Variants in CBLL2 observed in about 807,000 individuals in gnomAD.
CBLL2 encodes the protein E3 ubiquitin-protein ligase CBLL2.
For synonymous variants in CBLL2, 123 were observed against 124.9 expected (o/e 0.98, Z 0.10); for missense variants, 347 against 343.2 (o/e 1.01, Z -0.09).
rs371087148 is a variant in CBLL2, at chrX:22,273,839, C to T, written c.848C>T (p.Ala283Val). 233 of 1,208,770 alleles carry T rather than the reference C, an allele frequency of 1.9e-4. 1 individual carries two copies. The highest frequency in any genetic ancestry group is 8.0e-4 in the East Asian group (27 of 33,731). Residue 283 changes from alanine to valine, a missense_variant, in exon 1 of 1, where the codon GCG becomes GTG. Coordinates refer to ENST00000323684, the MANE Select transcript of CBLL2 (RefSeq NM_152577.4). The stretch of plus-strand genomic sequence containing the variant: ...ATTATACCTCAGAAACAGCATTATG[C>T]GCCACCTCCATCTCCATCATCACCA... ...HHIIPQKQHYAPPPSPSSPVN... is the reference protein window; with the variant it reads ...HHIIPQKQHYVPPPSPSSPVN...
rs1478948486 is a variant in CBLL2, at chrX:22,273,460, A to C, written c.469A>C (p.Ile157Leu). The stretch of plus-strand genomic sequence containing the variant: ...TTCGCTTGAAAAAGTTCGTCCTCAT[A>C]TTGCTCCGCCACAAACTGAAATCTC... ...SASLEKVRPHIAPPQTEISDI... is the reference protein window; with the variant it reads ...SASLEKVRPHLAPPQTEISDI... Residue 157 changes from isoleucine (I) to leucine (L), a missense_variant, in exon 1 of 1, where the codon ATT becomes CTT. Transcript: ENST00000323684. 8.3e-7 allele frequency: 1 copy of C among 1,211,593 alleles called. No individual in the cohort carries two copies. Among genetic ancestry groups the C allele is most frequent in the African/African-American group, 1.7e-5 (1 of 57,693 alleles).
Position 22,273,610 on chromosome X carries a change from G to A in CBLL2, c.619G>A (p.Asp207Asn). ...LQEQHNQPHKDIQAPPPELSL... is the reference protein window; with the variant it reads ...LQEQHNQPHKNIQAPPPELSL... ...AGAGCAACATAATCAGCCACATAAG[G>A]ATATCCAGGCTCCTCCCCCAGAACT... is the stretch of plus-strand genomic sequence containing the variant. Residue 207 changes from aspartate (D) to asparagine (N), a missense_variant, in exon 1 of 1, where the codon GAT becomes AAT. Asp to Asn is a conservative substitution (Grantham distance 23). Transcript: ENST00000323684. 8.3e-7 allele frequency: 1 copy of A among 1,211,120 alleles called. No individual in the cohort carries two copies. Among genetic ancestry groups the A allele is most frequent in the Non-Finnish European group, 1.1e-6 (1 of 895,367 alleles).
chrX:22,273,640 C>G lies in CBLL2; in HGVS notation c.649C>G (p.Leu217Val), dbSNP rs757236420. 2.5e-6 allele frequency: 3 copies of G among 1,211,737 alleles called. 1 individual carries two copies. In the Admixed American group the frequency reaches 6.5e-5, roughly 26 times the overall value. The change falls in exon 1 of 1, where the codon CTA becomes GTA. Residue 217 changes from leucine (L) to valine (V), a missense_variant. Physicochemically the swap from Leu to Val is conservative, Grantham distance 32. Coordinates refer to ENST00000323684, the MANE Select transcript of CBLL2 (RefSeq NM_152577.4). ...DIQAPPPELS[L>V]SLPFPIQWET... ...CCAGGCTCCTCCCCCAGAACTATCT[C>G]TAAGTCTGCCTTTTCCCATCCAGTG...
rs1936796425 is a variant in CBLL2 at position 22,274,018 on chromosome X, C to T, written c.1027C>T (p.Pro343Ser). Residue 343 changes from proline (P) to serine (S), a missense_variant, in exon 1 of 1, where the codon CCC becomes TCC. Pro to Ser is a moderately conservative substitution (Grantham distance 74). Transcript: ENST00000323684. ...TATGAATTCTCCTCCACTACGTGCT[C>T]CCCAGTCTCAAAATGGTAATCCATC... ...PDMNSPPLRA[P>S]QSQNGNPSAS... 1 of 1,209,538 alleles carries T rather than the reference C, an allele frequency of 8.3e-7. No homozygotes were observed. Among genetic ancestry groups the T allele is most frequent in the Non-Finnish European group, 1.1e-6 (1 of 895,089 alleles).
In CBLL2 at chrX:22,273,484, T is replaced by A. The variant is rs1404308243; in HGVS notation, c.493T>A (p.Ser165Thr). Residue 165 changes from serine (S) to threonine (T), a missense_variant, in exon 1 of 1, where the codon TCT becomes ACT. Ser to Thr is a moderately conservative substitution (Grantham distance 58). Coordinates refer to ENST00000323684, the MANE Select transcript of CBLL2 (RefSeq NM_152577.4). ...TATTGCTCCGCCACAAACTGAAATC[T>A]CTGACATCCCTAAAAGACTGCAAGA... ...PHIAPPQTEI[S>T]DIPKRLQDRD... 2 of 1,209,529 alleles carry A rather than the reference T, an allele frequency of 1.7e-6. No individual in the cohort carries two copies. Among genetic ancestry groups the A allele is most frequent in the African/African-American group, 3.5e-5 (2 of 56,854 alleles).
chrX:22,274,169 G>A lies in CBLL2; in HGVS notation c.1178G>A (p.Trp393Ter), dbSNP rs1214963617. ...ATGGATCATAGAAGGTGGCCTGCATGGAAACGACTGTCACCTTGTCCACCA... is the reference window on the plus strand; with the variant it reads ...ATGGATCATAGAAGGTGGCCTGCATAGAAACGACTGTCACCTTGTCCACCA... ...DAMDHRRWPA[W>*]KRLSPCPPTR... The change falls in exon 1 of 1, where the codon TGG becomes TAG. Residue 393 changes from tryptophan (W) to a stop codon, truncating the protein, a stop_gained. Transcript: ENST00000323684. LOFTEE classifies it low-confidence loss of function (END_TRUNC). The A allele has an allele frequency of 8.3e-7, 1 of 1,211,762 alleles. No individual in the cohort carries two copies. The highest frequency in any genetic ancestry group is 1.8e-5 in the South Asian group (1 of 57,005).
chrX:22,274,257 T>A lies in CBLL2; in HGVS notation c.1266T>A (p.His422Gln). ...GRSHHSHQRRHRRY is the reference protein window; with the variant it reads ...GRSHHSHQRRQRRY Reference sequence around the variant, plus strand: ...CACATCATTCACACCAGAGAAGACATAGACGGTATTAAGGATGATAACAGT... The same window carrying A: ...CACATCATTCACACCAGAGAAGACAAAGACGGTATTAAGGATGATAACAGT... Residue 422 changes from histidine to glutamine, a missense_variant, in exon 1 of 1, where the codon CAT becomes CAA. Coordinates refer to ENST00000323684, the MANE Select transcript of CBLL2 (RefSeq NM_152577.4). 1 of 1,204,284 alleles carries A rather than the reference T, an allele frequency of 8.3e-7. No individual in the cohort carries two copies. Among genetic ancestry groups the A allele is most frequent in the Non-Finnish European group, 1.1e-6 (1 of 892,204 alleles).
Position 22,273,453 on chromosome X carries a change from T to C in CBLL2, c.462T>C (p.Arg154=). The C allele has an allele frequency of 8.3e-7, 1 of 1,211,589 alleles. No individual in the cohort carries two copies. Among genetic ancestry groups the C allele is most frequent in the African/African-American group, 1.7e-5 (1 of 57,719 alleles). The part of the protein sequence containing the change: ...QVTSASLEKV[R]PHIAPPQTEI... ...CCAGCGCTTCGCTTGAAAAAGTTCG[T>C]CCTCATATTGCTCCGCCACAAACTG... The change falls in exon 1 of 1, where the codon CGT becomes CGC. Residue 154 remains arginine (R), a synonymous_variant. Coordinates refer to ENST00000323684, the MANE Select transcript of CBLL2 (RefSeq NM_152577.4).
Position 22,273,452 on chromosome X carries a change from G to A in CBLL2, c.461G>A (p.Arg154His), listed in dbSNP as rs139621376. ...ACCAGCGCTTCGCTTGAAAAAGTTC[G>A]TCCTCATATTGCTCCGCCACAAACT... ...QVTSASLEKV[R>H]PHIAPPQTEI... The change falls in exon 1 of 1, where the codon CGT (arginine) becomes CAT (histidine). Residue 154 changes from arginine (R) to histidine (H), a missense_variant. By Grantham distance (29) the Arg-to-His change is conservative. Coordinates refer to ENST00000323684, the MANE Select transcript of CBLL2 (RefSeq NM_152577.4). 567 of 1,209,509 alleles carry A rather than the reference G, an allele frequency of 4.7e-4. 1 individual carries two copies. In the African/African-American group the frequency reaches 6.1e-3, roughly 13 times the overall value.
chrX:22,274,292 T>C lies in CBLL2; in HGVS notation c.*23T>C. On this transcript the variant is annotated 3_prime_UTR_variant, in exon 1 of 1. Transcript: ENST00000323684. ...TAAGGATGATAACAGTATTTGGAAC[T>C]GAAGACCTGATGGGAAAAAAACCTT... 8.6e-7 allele frequency: 1 copy of C among 1,164,483 alleles called. No individual in the cohort carries two copies. Among genetic ancestry groups the C allele is most frequent in the East Asian group, 3.0e-5 (1 of 33,571 alleles).
At position 22,274,306 on chromosome X, in the gene CBLL2, G is replaced by GA. The variant is rs772415570; in HGVS notation, c.*44dup. 4.4e-6 allele frequency: 5 copies of GA among 1,125,170 alleles called. No homozygotes were observed. Among genetic ancestry groups the GA allele is most frequent in the African/African-American group, 3.7e-5 (2 of 54,386 alleles). 92.7% of individuals were successfully genotyped at this position (1,125,170 alleles called of 1,213,427 possible). ...GTATTTGGAACTGAAGACCTGATGGGAAAAAAACCTTCAAGTTCTATACTG... is the reference window on the plus strand; with the variant it reads ...GTATTTGGAACTGAAGACCTGATGGGAAAAAAAACCTTCAAGTTCTATACTG... On this transcript the variant is annotated 3_prime_UTR_variant, in exon 1 of 1. Transcript: ENST00000323684.
Sources: gnomAD v4.1 joint callset for allele counts on GRCh38, gnomAD v4.1.1 for gene constraint, MANE v1.5 for transcripts, NCBI Gene and HGNC (gene_info 2026-07-23, HGNC 2026-07-21) for gene names.